LAMP5: variants seen among roughly 807,000 people sequenced by gnomAD.
LAMP5 encodes lysosome-associated membrane glycoprotein 5.
A neutral mutation model predicts 30.2 loss-of-function variants in LAMP5; 36 were observed. That is an observed-to-expected ratio of 1.19 (90% confidence interval 0.91 to 1.57). LAMP5 has a LOEUF of 1.57. Among genes scored for constraint, LAMP5 ranks in the 40% most tolerant of loss-of-function variants. LAMP5 has a pLI of 0.00. For missense variants in LAMP5, 377 were observed against 354.9 expected (o/e 1.06, Z -0.50); for synonymous variants, 149 against 134.6 (o/e 1.11, Z -0.74).
chr20:9,528,097 A>T (rs1016971190), intron 5 of LAMP5, among the ~76,000 whole-genome samples: 19 of 152,226 alleles, frequency 1.2e-4, no homozygotes, highest in African/African-American at 4.1e-4. Context: ...TGTGGTGCAT[A>T]TACATAATTG....
Position 9,518,066 on chromosome 20 carries a change from C to A in LAMP5, c.502C>A (p.His168Asn), listed in dbSNP as rs373923121. Reference sequence around the variant, plus strand: ...TGGGAAGCACACAGCCAACTCGCACCACCTCTCTGCCTTGGTCACCCCCGC... The same window carrying A: ...TGGGAAGCACACAGCCAACTCGCACAACCTCTCTGCCTTGGTCACCCCCGC... ...SAGKHTANSH[H>N]LSALVTPAGK... The change falls in exon 5 of 6, where the codon CAC (histidine) becomes AAC (asparagine). Residue 168 changes from histidine to asparagine, a missense_variant. Transcript: ENST00000246070. 1.9e-6 allele frequency: 3 copies of A among 1,613,972 alleles called. No homozygotes were observed. The highest frequency in any genetic ancestry group is 1.7e-6 in the Non-Finnish European group (2 of 1,180,010).
chr20:9,529,694 G>C lies in LAMP5; in HGVS notation c.717G>C (p.Leu239=). The C allele has an allele frequency of 6.2e-7, 1 of 1,614,192 alleles. No homozygotes were observed. Among genetic ancestry groups the C allele is most frequent in the Non-Finnish European group, 8.5e-7 (1 of 1,180,034 alleles). ...EREQLEETLP[L]ILGLILGLVI... ...AGCAACTGGAAGAAACCTTGCCCCT[G>C]ATTTTGGGGCTCATCTTGGGCCTCG... is the stretch of plus-strand genomic sequence containing the variant. The change falls in exon 6 of 6, where the codon CTG becomes CTC. Residue 239 remains leucine, a synonymous_variant. Transcript: ENST00000246070.
chr20:9,516,056 C>T lies in LAMP5; in HGVS notation c.294C>T (p.Arg98=). 6.5e-7 allele frequency: 1 copy of T among 1,542,822 alleles called. No homozygotes were observed. The highest frequency in any genetic ancestry group is 8.7e-7 in the Non-Finnish European group (1 of 1,151,446). Residue 98 remains arginine (R), a synonymous_variant, in exon 3 of 6, where the codon CGC becomes CGT. Coordinates refer to ENST00000246070, the MANE Select transcript of LAMP5 (RefSeq NM_012261.4). ...CCCGGGGAGCTGAGGTGAAGGGCCG[C>T]TGTGGCCACAGCCAGTCGGAGCTGC... ...ALTRGAEVKG[R]CGHSQSELQV...
chr20:9,522,187 T>C (rs1368811167), intron 5 of LAMP5, among the ~76,000 whole-genome samples: 1 of 152,194 alleles, frequency 6.6e-6, no homozygotes, highest in Admixed American at 6.5e-5. Context: ...ACAGAGTTTG[T>C]TGGGTACCCC....
intron 5 of LAMP5, among the ~76,000 whole-genome samples, chr20:9,525,833 G>A (rs1031183027): frequency 1.3e-5 from 2 of 152,162 alleles, no homozygotes; most frequent in African/African-American, 4.8e-5. Flanking sequence ...ACCTGTCCAT[G>A]TTCTCCAGTG....
Position 9,515,625 on chromosome 20 carries a change from T to G in LAMP5, c.237T>G (p.Asp79Glu), listed in dbSNP as rs1297087079. The G allele has an allele frequency of 1.9e-6, 3 of 1,609,134 alleles. No homozygotes were observed. The South Asian group carries it at 3.3e-5, about 18-fold the overall frequency. ...PYDVWASNYV[D>E]LITEQADIAL... ...ATGTGTGGGCCAGCAACTACGTAGA[T>G]GTAAGGAATCTTTCCCCCCCCTCAG... Residue 79 changes from aspartate to glutamate, a missense_variant and splice_region_variant, in exon 2 of 6, where the codon GAT (aspartate) becomes GAG (glutamate). Transcript: ENST00000246070.
In LAMP5 at chr20:9,518,211, A is replaced by AT; in HGVS notation, c.651dup (p.Val218CysfsTer4). The AT allele has an allele frequency of 1.2e-6, 2 of 1,614,108 alleles. No homozygotes were observed. The highest frequency in any genetic ancestry group is 1.1e-5 in the South Asian group (1 of 91,076). On this transcript the variant is annotated frameshift_variant, in exon 5 of 6. Coordinates refer to ENST00000246070, the MANE Select transcript of LAMP5 (RefSeq NM_012261.4). LOFTEE classifies it high-confidence loss of function. ...ATCCAACCTTTTGACATTATCTCAG[A>AT]TTTTGTCTTCAGTGAAGGTAAGTTG... is the stretch of plus-strand genomic sequence containing the variant.
chr20:9,521,358 G>T (rs2045078579), intron 5 of LAMP5, among the ~76,000 whole-genome samples: 2 of 152,136 alleles, frequency 1.3e-5, no homozygotes, highest in Admixed American at 1.3e-4. Context: ...TGTTGCATGA[G>T]GTTTCAAGGA....
Position 9,514,709 on chromosome 20 carries a change from T to C in LAMP5, c.-144T>C. The C allele has an allele frequency of 4.5e-6, 3 of 668,120 alleles. No individual in the cohort carries two copies. Among genetic ancestry groups the C allele is most frequent in the Non-Finnish European group, 5.1e-6 (2 of 389,300 alleles). The allele number at this position is 668,120 out of a possible 1,614,324, so 41.4% of individuals were successfully genotyped here. A position where few individuals can be genotyped will look rare whatever the true frequency, so the allele number is the denominator to read the frequency against. ...TCGACACCGAGTCCTAGCTAGGCGC[T>C]CACAGAATACGCGCTCCCTCCCTCC... On this transcript the variant is annotated 5_prime_UTR_variant, in exon 1 of 6. Transcript: ENST00000246070.
intron 5 of LAMP5, among the ~76,000 whole-genome samples, chr20:9,527,563 G>C (rs1485272566): frequency 6.6e-6 from 1 of 152,172 alleles, no homozygotes; most frequent in Non-Finnish European, 1.5e-5. Context: ...GAATACAGTA[G>C]GTACTTAATA....
intron 5 of LAMP5, among the ~76,000 whole-genome samples, chr20:9,528,297 GGTGTGT>G (rs61258824): frequency 1.4e-5 from 2 of 140,188 alleles, no homozygotes; most frequent in Admixed American, 7.2e-5. Context: ...GAAGGATATG[GGTGTGT>G]GTGTGTGTGT....
At position 9,515,858 on chromosome 20, in the gene LAMP5, A is replaced by G. The variant is rs2045033281; in HGVS notation, c.238-142A>G. 8.6e-6 allele frequency: 9 copies of G among 1,042,390 alleles called. No individual in the cohort carries two copies. The South Asian group carries it at 1.3e-4, about 15-fold the overall frequency. 64.6% of individuals were successfully genotyped at this position (1,042,390 alleles called of 1,614,324 possible). ...TATCGGGGCTGCACGTAGAGCATCT[A>G]ACCGCATGTTCCCGGAACCTGGGAT... is the stretch of plus-strand genomic sequence containing the variant. On this transcript the variant is annotated intron_variant, in intron 2 of 5. Transcript: ENST00000246070.
At position 9,514,916 on chromosome 20, in the gene LAMP5, C is replaced by T; in HGVS notation, c.64C>T (p.His22Tyr). 1.2e-6 allele frequency: 2 copies of T among 1,614,010 alleles called. No individual in the cohort carries two copies. The highest frequency in any genetic ancestry group is 1.7e-6 in the Non-Finnish European group (2 of 1,179,894). The change falls in exon 1 of 6, where the codon CAT (histidine) becomes TAT (tyrosine). Residue 22 changes from histidine (H) to tyrosine (Y), a missense_variant and splice_region_variant. His to Tyr is a moderately conservative substitution (Grantham distance 83). Transcript: ENST00000246070. Reference sequence around the variant, plus strand: ...ACTTCGAGTTCTCCTGATGTTGTTCCGTGAGTAGCGATTTGGCGACTGGGA... The same window carrying T: ...ACTTCGAGTTCTCCTGATGTTGTTCTGTGAGTAGCGATTTGGCGACTGGGA... ...DRLRVLLMLFHTMAQIMAEQE... is the reference protein window; with the variant it reads ...DRLRVLLMLFYTMAQIMAEQE...
rs2045054732 is a variant in LAMP5, at chr20:9,518,098, G to A, written c.534G>A (p.Lys178=). The change falls in exon 5 of 6, where the codon AAG becomes AAA. Residue 178 remains lysine (K), a synonymous_variant. Transcript: ENST00000246070. ...HLSALVTPAG[K]SYECQAQQTI... ...CTGCCTTGGTCACCCCCGCTGGGAA[G>A]TCCTATGAGTGTCAAGCTCAACAAA... 3 of 1,614,088 alleles carry A rather than the reference G, an allele frequency of 1.9e-6. No individual in the cohort carries two copies. The highest frequency in any genetic ancestry group is 1.3e-5 in the African/African-American group (1 of 74,940).
At chr20:9,516,883 T>C (rs1021453710) in intron 4 of LAMP5, among the ~76,000 whole-genome samples, 2 of 152,124 alleles carry the variant, frequency 1.3e-5, no homozygotes, top group South Asian at 2.1e-4. Context: ...TTCTGCACCA[T>C]GTATAATTTA....
chr20:9,515,209 ACAGC>A (rs976721441), intron 1 of LAMP5, among the ~76,000 whole-genome samples: 30 of 152,146 alleles, frequency 2.0e-4, no homozygotes, highest in Admixed American at 1.6e-3. Flanking sequence ...GATGTAGAAA[ACAGC>A]CAGCTATATT....
chr20:9,525,984 G>A (rs1037699888), intron 5 of LAMP5, among the ~76,000 whole-genome samples: 2 of 152,186 alleles, frequency 1.3e-5, no homozygotes, highest in African/African-American at 4.8e-5. Flanking sequence ...AGGAAGAAGT[G>A]AGCTAAAACC....
chr20:9,514,898 G>A lies in LAMP5; in HGVS notation c.46G>A (p.Val16Ile), dbSNP rs765279015. The change falls in exon 1 of 6, where the codon GTT (valine) becomes ATT (isoleucine). Residue 16 changes from valine to isoleucine, a missense_variant. Transcript: ENST00000246070. ...GGTCCCCAGCATCGACAGACTTCGAGTTCTCCTGATGTTGTTCCGTGAGTA... is the reference window on the plus strand; with the variant it reads ...GGTCCCCAGCATCGACAGACTTCGAATTCTCCTGATGTTGTTCCGTGAGTA... ...RGVPSIDRLR[V>I]LLMLFHTMAQ... 6.2e-7 allele frequency: 1 copy of A among 1,614,212 alleles called. No individual in the cohort carries two copies. The highest frequency in any genetic ancestry group is 1.1e-5 in the South Asian group (1 of 91,076).
Position 9,518,030 on chromosome 20 carries a change from C to G in LAMP5, c.476-10C>G. ...AGGGTTCTAACTATTGCTCTGGGCT[C>G]TTGCTGTAGCTGGGAAGCACACAGC... On this transcript the variant is annotated splice_polypyrimidine_tract_variant and intron_variant, in intron 4 of 5. Coordinates refer to ENST00000246070, the MANE Select transcript of LAMP5 (RefSeq NM_012261.4). The G allele has an allele frequency of 7.2e-7, 1 of 1,396,434 alleles. No individual in the cohort carries two copies. The highest frequency in any genetic ancestry group is 2.1e-4 in the Middle Eastern group (1 of 4,866). 86.5% of individuals were successfully genotyped at this position (1,396,434 alleles called of 1,614,324 possible). A position where few individuals can be genotyped will look rare whatever the true frequency, so the allele number is the denominator to read the frequency against.
Sources: gnomAD v4.1 joint callset for allele counts (sites outside exome capture counted in the v4.1 genomes callset) on GRCh38, gnomAD v4.1.1 for gene constraint, MANE v1.5 for transcripts, NCBI Gene and HGNC (gene_info 2026-07-23, HGNC 2026-07-21) for gene names.